JMJD1C: variants seen among roughly 807,000 people sequenced by gnomAD.
The protein encoded by JMJD1C is jumonji domain-containing protein 1C.
In JMJD1C, 31 loss-of-function variants were observed where a neutral mutation model predicts 245.3. The observed-to-expected ratio is 0.13, with a 90% CI of 0.09 to 0.17. The LOEUF (loss-of-function observed/expected upper bound fraction) is 0.17, where lower values mean the gene tolerates loss of function less well. JMJD1C is among the 10% of genes least tolerant of loss of function. The pLI is 1.00. For missense variants in JMJD1C, 2,691 were observed against 3,000.2 expected (o/e 0.90, Z 2.41); for synonymous variants, 1,057 against 1,017.4 (o/e 1.04, Z -0.74).
At chr10:63,369,103 T>C (rs541683579) in intron 2 of JMJD1C, among the ~76,000 whole-genome samples, 2 of 152,138 alleles carry the variant, frequency 1.3e-5, no homozygotes, top group African/African-American at 4.8e-5. Context: ...TTTCTTTCTT[T>C]TCTTCTTTCC....
At position 63,215,601 on chromosome 10, in the gene JMJD1C, A is replaced by G; in HGVS notation, c.774T>C (p.Ile258=). The change falls in exon 6 of 26, where the codon ATT becomes ATC. Residue 258 remains isoleucine, a synonymous_variant. Coordinates refer to ENST00000399262, the MANE Select transcript of JMJD1C (RefSeq NM_032776.3). The part of the protein sequence containing the change: ...HSLLKGENIG[I]TSRRRSRANQ... ...TGGCACGAGACCTGCGTCGTGATGTAATGCCAATATTTTCACCTTTTAACA... is the reference window on the plus strand; with the variant it reads ...TGGCACGAGACCTGCGTCGTGATGTGATGCCAATATTTTCACCTTTTAACA... 1 of 1,611,544 alleles carries G rather than the reference A, an allele frequency of 6.2e-7. No homozygotes were observed. Among genetic ancestry groups the G allele is most frequent in the Non-Finnish European group, 8.5e-7 (1 of 1,177,728 alleles).
Position 63,193,136 on chromosome 10 carries a change from G to C in JMJD1C, c.5878C>G (p.Leu1960Val), listed in dbSNP as rs1845042836. Reference protein sequence around the residue: ...NGVSQVLQNVLNHSNKISLCM... With the variant: ...NGVSQVLQNVVNHSNKISLCM... ...AGAGAAATTTTATTACTGTGATTAA[G>C]AACATTCTGTAAAACCTACAAAGGT... The change falls in exon 16 of 26, where the codon CTT becomes GTT. Residue 1960 changes from leucine to valine, a missense_variant. Leu to Val is a conservative substitution (Grantham distance 32). Coordinates refer to ENST00000399262, the MANE Select transcript of JMJD1C (RefSeq NM_032776.3). The C allele has an allele frequency of 6.2e-6, 10 of 1,612,256 alleles. No individual in the cohort carries two copies. Among genetic ancestry groups the C allele is most frequent in the Non-Finnish European group, 8.5e-6 (10 of 1,178,804 alleles).
intron 2 of JMJD1C, among the ~76,000 whole-genome samples, chr10:63,335,087 G>C (rs1382097050): frequency 1.6e-5 from 2 of 123,748 alleles, no homozygotes; most frequent in Non-Finnish European, 1.7e-5. Context: ...TCACAAAAAA[G>C]AACTGACCCA....
chr10:63,416,095 T>C (rs1353131973), intron 1 of JMJD1C, among the ~76,000 whole-genome samples: 1 of 152,182 alleles, frequency 6.6e-6, no homozygotes, highest in Non-Finnish European at 1.5e-5. Flanking sequence ...TTCTCTGTGA[T>C]GCATTTAACC....
chr10:63,419,259 C>A (rs192938351), intron 1 of JMJD1C, among the ~76,000 whole-genome samples: 2 of 151,590 alleles, frequency 1.3e-5, no homozygotes, highest in Non-Finnish European at 2.9e-5. Flanking sequence ...TGGTGGCAGG[C>A]GCCTGTAATT....
At chr10:63,197,270 C>G (rs2133053322) in intron 13 of JMJD1C, 141 bp downstream of exon 13, 3 of 669,094 alleles carry the variant, frequency 4.5e-6, no homozygotes, top group Non-Finnish European at 4.8e-6. Context: ...GGTTACTTCT[C>G]CTCTTAAAAA....
In JMJD1C at chr10:63,214,822, G is replaced by C; in HGVS notation, c.1345C>G (p.Arg449Gly). 6.2e-7 allele frequency: 1 copy of C among 1,613,744 alleles called. No homozygotes were observed. Among genetic ancestry groups the C allele is most frequent in the South Asian group, 1.1e-5 (1 of 91,074 alleles). ...EDKKHEEAEK[R>G]KSVDTQLQED... ...TGAAGCTGAGTGTCAACAGACTTCC[G>C]CTTCTCTGCTTCTTCATGTTTTTTA... Residue 449 changes from arginine (R) to glycine (G), a missense_variant, in exon 8 of 26, where the codon CGG becomes GGG. By Grantham distance (125) the Arg-to-Gly change is moderately radical. This residue lies in a region of JMJD1C where 1,562 missense variants were observed against 1,490.7 expected (regional missense o/e 1.05). Coordinates refer to ENST00000399262, the MANE Select transcript of JMJD1C (RefSeq NM_032776.3).
chr10:63,474,333 C>CT (rs1425828465), intron 1 of JMJD1C, among the ~76,000 whole-genome samples: 11 of 152,120 alleles, frequency 7.2e-5, no homozygotes, highest in African/African-American at 2.4e-4. Flanking sequence ...TGTAAGAGTG[C>CT]TTATAAAGCG....
intron 2 of JMJD1C, among the ~76,000 whole-genome samples, chr10:63,364,772 C>T (rs1384062418): frequency 6.6e-6 from 1 of 152,210 alleles, no homozygotes; most frequent in African/African-American, 2.4e-5. Flanking sequence ...CAGGCCACCT[C>T]ACACGTGGCC....
At chr10:63,468,246 T>G (rs1953378806), upstream of JMJD1C, among the ~76,000 whole-genome samples, 1 of 152,210 alleles carries the variant, frequency 6.6e-6, no homozygotes, top group African/African-American at 2.4e-5. Flanking sequence ...ACTAATCCCT[T>G]GACTACAGCC....
At chr10:63,272,785 G>A (rs993580759) in intron 2 of JMJD1C, among the ~76,000 whole-genome samples, 1 of 152,082 alleles carries the variant, frequency 6.6e-6, no homozygotes, top group African/African-American at 2.4e-5. Context: ...CCAATTTATT[G>A]TACATTAGAA....
chr10:63,504,168 T>A (rs1406127471), intron 1 of JMJD1C, among the ~76,000 whole-genome samples: 1 of 152,206 alleles, frequency 6.6e-6, no homozygotes, highest in Non-Finnish European at 1.5e-5. Flanking sequence ...TGGCTATAGA[T>A]AACCACCCAA....
In JMJD1C at chr10:63,220,128, C is replaced by A; in HGVS notation, c.448-145G>T. 3 of 518,342 alleles carry A rather than the reference C, an allele frequency of 5.8e-6. No individual in the cohort carries two copies. The South Asian group carries it at 1.2e-4, about 20-fold the overall frequency. 32.1% of individuals were successfully genotyped at this position (518,342 alleles called of 1,614,324 possible). On this transcript the variant is annotated intron_variant, in intron 3 of 25. Coordinates refer to ENST00000399262, the MANE Select transcript of JMJD1C (RefSeq NM_032776.3). Reference sequence around the variant, plus strand: ...AAACACAAATTCATGAGTTATAGTTCATTGGCAATTGTGTAACAAAAGAGC... The same window carrying A: ...AAACACAAATTCATGAGTTATAGTTAATTGGCAATTGTGTAACAAAAGAGC...
upstream of JMJD1C, among the ~76,000 whole-genome samples, chr10:63,470,848 CT>C (rs1228269355): frequency 3.3e-5 from 5 of 152,290 alleles, no homozygotes; most frequent in South Asian, 8.3e-4. Context: ...TAAATTCTGG[CT>C]GCACAGGAAT....
chr10:63,462,340 T>A (rs1437492180), intron 1 of JMJD1C, among the ~76,000 whole-genome samples: 8 of 152,184 alleles, frequency 5.3e-5, no homozygotes. Context: ...AACCCCTGGC[T>A]GAAAAAATAA....
intron 2 of JMJD1C, among the ~76,000 whole-genome samples, chr10:63,362,633 C>T (rs1478597006): frequency 6.6e-6 from 1 of 152,056 alleles, no homozygotes; most frequent in African/African-American, 2.4e-5. Flanking sequence ...GTGGGCACCA[C>T]CACACCTGGC....
intron 2 of JMJD1C, among the ~76,000 whole-genome samples, chr10:63,308,385 A>C (rs1324625654): frequency 6.6e-6 from 1 of 152,112 alleles, no homozygotes; most frequent in African/African-American, 2.4e-5. Flanking sequence ...CCATCAACTA[A>C]AGTTCAAAAT....
intron 1 of JMJD1C, among the ~76,000 whole-genome samples, chr10:63,450,478 T>C (rs1296304955): frequency 6.6e-6 from 1 of 152,084 alleles, no homozygotes; most frequent in Non-Finnish European, 1.5e-5. Context: ...AAAAAAAAAT[T>C]ATATACCATA....
chr10:63,282,800 G>A (rs576795996), intron 2 of JMJD1C, among the ~76,000 whole-genome samples: 6 of 151,910 alleles, frequency 3.9e-5, no homozygotes, highest in Non-Finnish European at 5.9e-5. Context: ...CACTGCAACC[G>A]CCGCCTCCCG....
Sources: allele counts gnomAD v4.1 joint callset (sites outside exome capture counted in the v4.1 genomes callset), GRCh38; gene constraint gnomAD v4.1.1; regional missense constraint gnomAD v4.1.1; transcripts MANE v1.5; gene names NCBI Gene and HGNC (gene_info 2026-07-23, HGNC 2026-07-21).